SGK1: variants seen among roughly 807,000 people sequenced by gnomAD.
SGK1 encodes the protein serum/glucocorticoid regulated kinase 1.
A neutral mutation model predicts 64.2 loss-of-function variants in SGK1; 26 were observed. The observed-to-expected ratio is 0.40, with a 90% CI of 0.30 to 0.56. SGK1 has a LOEUF of 0.56. SGK1 is among the 20% of genes least tolerant of loss of function. SGK1 has a pLI of 0.38. For synonymous variants in SGK1, 265 were observed against 239.7 expected (o/e 1.11, Z -0.98); for missense variants, 519 against 645.6 (o/e 0.80, Z 2.12).
Position 134,237,633 on chromosome 6 carries a change from G to A in SGK1, c.285+24300C>T, listed in dbSNP as rs140983512. ...GCAGAGGTTGCAGTGAGCCAAGATC[G>A]TGCCACTGCACTCCAGCCTGAGTGA... On this transcript the variant is annotated intron_variant, in intron 2 of 13. Coordinates refer to ENST00000367858, the MANE Select transcript of SGK1 (RefSeq NM_001143676.3). Among the ~76,000 whole-genome samples, 12 of 152,228 alleles carry A rather than the reference G, an allele frequency of 7.9e-5. No homozygotes were observed. In the East Asian group the frequency reaches 2.3e-3, roughly 30 times the overall value.
rs139891859 is a variant in SGK1 at position 134,178,945 on chromosome 6, C to T, written c.362-4359G>A. Among the ~76,000 whole-genome samples, 90 of 152,070 alleles carry T rather than the reference C, an allele frequency of 5.9e-4. 1 individual carries two copies. The highest frequency in any genetic ancestry group is 2.1e-3 in the African/African-American group (87 of 41,452). ...AACTAAACGTTTCCCAGTGCATGTG[C>T]ATTTTAATGCTTCAGAAAAAATTTT... On this transcript the variant is annotated intron_variant, in intron 3 of 13. Coordinates refer to ENST00000367858, the MANE Select transcript of SGK1 (RefSeq NM_001143676.3).
intron 2 of SGK1, among the ~76,000 whole-genome samples, chr6:134,232,083 G>A (rs903735583): frequency 3.3e-5 from 5 of 150,426 alleles, no homozygotes; most frequent in Non-Finnish European, 5.9e-5. Flanking sequence ...CCTATATTAA[G>A]TTAAATAAAA....
chr6:134,301,587 C>CCTTCT (rs1185034293), intron 1 of SGK1, among the ~76,000 whole-genome samples: 3 of 85,468 alleles, frequency 3.5e-5, no homozygotes, highest in African/African-American at 1.4e-4. Flanking sequence ...TCTTCTCTTC[C>CCTTCT]CTTCTCTTCT....
At chr6:134,304,793 T>C (rs1777511069) in intron 1 of SGK1, among the ~76,000 whole-genome samples, 1 of 145,244 alleles carries the variant, frequency 6.9e-6, no homozygotes, top group South Asian at 2.2e-4. Context: ...AAGAGGAGAG[T>C]GAAAATAAAA....
chr6:134,275,569 A>G (rs1218208311), intron 1 of SGK1, among the ~76,000 whole-genome samples: 1 of 152,196 alleles, frequency 6.6e-6, no homozygotes, highest in East Asian at 1.9e-4. Flanking sequence ...ATGCACTGAC[A>G]TCTCCTATTC....
chr6:134,187,008 G>T (rs1234214794), intron 3 of SGK1, among the ~76,000 whole-genome samples: 1 of 151,952 alleles, frequency 6.6e-6, no homozygotes, highest in Admixed American at 6.6e-5. Context: ...TACAGACGGG[G>T]TTTCAGTATG....
intron 2 of SGK1, among the ~76,000 whole-genome samples, chr6:134,225,362 A>AC (rs1319250746): frequency 3.3e-5 from 5 of 151,804 alleles, no homozygotes; most frequent in East Asian, 1.9e-4. Flanking sequence ...GAAAAAAAAA[A>AC]AAAAAAGAAA....
chr6:134,310,897 T>C (rs1777598754), intron 1 of SGK1, among the ~76,000 whole-genome samples: 1 of 152,220 alleles, frequency 6.6e-6, no homozygotes, highest in Non-Finnish European at 1.5e-5. Flanking sequence ...CTACTATATA[T>C]TACTGAAGTT....
Position 134,281,596 on chromosome 6 carries a change from C to T in SGK1, c.70-19448G>A, listed in dbSNP as rs539430117. 2.6e-5 allele frequency among the ~76,000 whole-genome samples: 4 copies of T among 151,118 alleles called. No homozygotes were observed. In the South Asian group the frequency reaches 8.4e-4, roughly 32 times the overall value. ...GCAGTGGCGTAATCACAGCTCACTG[C>T]AGCCTTGAATCCCATGGCTCAAATG... On this transcript the variant is annotated intron_variant, in intron 1 of 13. Coordinates refer to ENST00000367858, the MANE Select transcript of SGK1 (RefSeq NM_001143676.3).
In SGK1 at chr6:134,262,025, A is replaced by T; in HGVS notation, c.193T>A (p.Cys65Ser). 2 of 1,613,990 alleles carry T rather than the reference A, an allele frequency of 1.2e-6. No individual in the cohort carries two copies. Among genetic ancestry groups the T allele is most frequent in the Non-Finnish European group, 1.7e-6 (2 of 1,179,862 alleles). Residue 65 changes from cysteine (C) to serine (S), a missense_variant, in exon 2 of 14, where the codon TGT becomes AGT. Physicochemically the swap from Cys to Ser is moderately radical, Grantham distance 112. This residue lies in a region of SGK1 where 241 missense variants were observed against 236.9 expected (regional missense o/e 1.02). Coordinates refer to ENST00000367858, the MANE Select transcript of SGK1 (RefSeq NM_001143676.3). The part of the protein sequence containing the change: ...PGEPDFESSL[C>S]QTCLGEHAFQ... ...GCATGTTCACCCAGGCATGTTTGAC[A>T]CAAGGAAGACTCGAAGTCTGGCTCC...
intron 10 of SGK1, 134 bp from the exon 11 acceptor site, chr6:134,171,866 T>C (rs188883735): frequency 3.5e-4 from 235 of 662,996 alleles, no homozygotes; most frequent in Non-Finnish European, 5.4e-4. Context: ...TCCTTCCTGA[T>C]AAAACTGCTG....
intron 2 of SGK1, among the ~76,000 whole-genome samples, chr6:134,211,944 A>G (rs1250164701): frequency 3.3e-5 from 5 of 151,628 alleles, no homozygotes; most frequent in Admixed American, 3.3e-4. Flanking sequence ...ATCCCTTCTC[A>G]GGATTTATCT....
intron 2 of SGK1, among the ~76,000 whole-genome samples, chr6:134,232,442 A>AGAAG: frequency 1.7e-5 from 1 of 58,832 alleles, no homozygotes; most frequent in African/African-American, 5.7e-5. Flanking sequence ...AAAGAAAGAA[A>AGAAG]GAAAGAAAGA....
At chr6:134,224,861 AAC>A (rs150930357) in intron 2 of SGK1, among the ~76,000 whole-genome samples, 8,930 of 151,598 alleles carry the variant, frequency 0.059, 356 homozygotes, top group Non-Finnish European at 0.088. Context: ...TCTCTATAAA[AAC>A]ACAAAAAATT....
At chr6:134,284,496 T>TC (rs932911503) in intron 1 of SGK1, among the ~76,000 whole-genome samples, 7 of 151,428 alleles carry the variant, frequency 4.6e-5, no homozygotes, top group African/African-American at 1.7e-4. Flanking sequence ...TCTTTCTTTT[T>TC]TTTTTTTGAG....
intron 2 of SGK1, among the ~76,000 whole-genome samples, chr6:134,259,027 T>C (rs886785925): frequency 6.6e-6 from 1 of 152,200 alleles, no homozygotes; most frequent in Non-Finnish European, 1.5e-5. Flanking sequence ...TCATTTTGAT[T>C]TGTGATAACC....
intron 3 of SGK1, among the ~76,000 whole-genome samples, chr6:134,180,562 AC>A (rs1238077215): frequency 6.6e-6 from 1 of 152,104 alleles, no homozygotes; most frequent in Admixed American, 6.6e-5. Flanking sequence ...AATATTTAAT[AC>A]TATTGGTAAA....
intron 3 of SGK1, among the ~76,000 whole-genome samples, chr6:134,204,755 T>A (rs1022735769): frequency 6.6e-6 from 1 of 152,078 alleles, no homozygotes; most frequent in South Asian, 2.1e-4. Context: ...GGTTTCACCA[T>A]GTTGGCCAGG....
chr6:134,273,327 C>G (rs79886418), intron 1 of SGK1, among the ~76,000 whole-genome samples: 7,910 of 146,708 alleles, frequency 0.054, 1,366 homozygotes, highest in East Asian at 0.39. Flanking sequence ...TAAGTTGAAT[C>G]TTAAAAGCTG....
Sources: allele counts gnomAD v4.1 joint callset (sites outside exome capture counted in the v4.1 genomes callset), GRCh38; gene constraint gnomAD v4.1.1; regional missense constraint gnomAD v4.1.1; transcripts MANE v1.5; gene names NCBI Gene and HGNC (gene_info 2026-07-23, HGNC 2026-07-21).